SYT16: variants seen among roughly 807,000 people sequenced by gnomAD.
SYT16 encodes the protein synaptotagmin-16.
Under a neutral mutation model 61.4 loss-of-function variants are expected in SYT16, and 42 were observed. The observed-to-expected ratio is 0.68, with a 90% CI of 0.53 to 0.89. The LOEUF (loss-of-function observed/expected upper bound fraction) is 0.89. Among genes scored for constraint, SYT16 ranks in the 40% least tolerant of loss-of-function variants. The pLI is 0.00. For missense variants in SYT16, 804 were observed against 807.3 expected, an observed-to-expected ratio of 1.00 and a Z score of 0.05; for synonymous variants, 314 against 302.3, an observed-to-expected ratio of 1.04 and a Z score of -0.40.
chr14:61,844,239 A>G (rs2046376773), intron 1 of SYT16, among the ~76,000 whole-genome samples: 1 of 151,986 alleles, frequency 6.6e-6, no homozygotes, highest in Non-Finnish European at 1.5e-5. Context: ...TTGATTTTGT[A>G]TCCTGCAACT....
chr14:61,859,785 C>T (rs1383136704), intron 1 of SYT16, among the ~76,000 whole-genome samples: 1 of 152,094 alleles, frequency 6.6e-6, no homozygotes, highest in Non-Finnish European at 1.5e-5. Flanking sequence ...CATTGGCACA[C>T]TTGGGGCTCC....
chr14:61,890,272 C>A (rs577028223), intron 1 of SYT16, among the ~76,000 whole-genome samples: 2 of 152,068 alleles, frequency 1.3e-5, no homozygotes, highest in Non-Finnish European at 2.9e-5. Context: ...AAAAGAGGGG[C>A]CAGGGGAGTT....
At chr14:61,875,685 C>T (rs1027235761) in intron 1 of SYT16, among the ~76,000 whole-genome samples, 3 of 152,158 alleles carry the variant, frequency 2.0e-5, no homozygotes, top group African/African-American at 7.2e-5. Context: ...GGTGGATACT[C>T]CTGTTACTGC....
intron 1 of SYT16, among the ~76,000 whole-genome samples, chr14:61,940,912 A>G (rs915297558): frequency 2.0e-5 from 3 of 152,258 alleles, no homozygotes; most frequent in African/African-American, 4.8e-5. Context: ...GAATAATCAC[A>G]GATAGGCTTT....
chr14:61,916,565 A>G (rs911960497), intron 1 of SYT16, among the ~76,000 whole-genome samples: 1 of 152,270 alleles, frequency 6.6e-6, no homozygotes, highest in Non-Finnish European at 1.5e-5. Context: ...ATCACCTCAA[A>G]CATTTATCAT....
At chr14:61,813,817 T>G (rs1187292440) in intron 1 of SYT16, among the ~76,000 whole-genome samples, 8 of 151,886 alleles carry the variant, frequency 5.3e-5, no homozygotes, top group Non-Finnish European at 1.2e-4. Flanking sequence ...TTTTTTTTTT[T>G]TTTTTTGAGA....
At chr14:61,826,209 A>G (rs1336405498) in intron 1 of SYT16, among the ~76,000 whole-genome samples, 1 of 151,978 alleles carries the variant, frequency 6.6e-6, no homozygotes. Context: ...GGGCACTCAC[A>G]CACAGCCACA....
chr14:61,876,773 G>A (rs2047511366), intron 1 of SYT16, among the ~76,000 whole-genome samples: 1 of 152,210 alleles, frequency 6.6e-6, no homozygotes, highest in African/African-American at 2.4e-5. Flanking sequence ...CGCATTTCAA[G>A]CTTTTGCCCC....
At position 62,084,157 on chromosome 14, in the gene SYT16, G is replaced by A. The variant is rs186580514; in HGVS notation, c.1435-39G>A. 2.9e-5 allele frequency: 46 copies of A among 1,601,716 alleles called. No homozygotes were observed. In the East Asian group the frequency reaches 9.8e-4, roughly 34 times the overall value. ...GCTTTCTCTAAAAGAGAGTAGTGCAGCGTGGGCCAATGGATTCTTTGTTGT... is the reference window on the plus strand; with the variant it reads ...GCTTTCTCTAAAAGAGAGTAGTGCAACGTGGGCCAATGGATTCTTTGTTGT... On this transcript the variant is annotated intron_variant, in intron 6 of 7. Transcript: ENST00000683842.
intron 3 of SYT16, among the ~76,000 whole-genome samples, chr14:62,059,613 T>A (rs2055725006): frequency 6.6e-6 from 1 of 150,636 alleles, no homozygotes; most frequent in Non-Finnish European, 1.5e-5. Context: ...TTGGGTATTC[T>A]ATAGTTTAAA....
intron 3 of SYT16, among the ~76,000 whole-genome samples, chr14:62,011,691 A>T (rs1226529614): frequency 6.6e-6 from 1 of 152,008 alleles, no homozygotes; most frequent in Non-Finnish European, 1.5e-5. Flanking sequence ...CTATTAGAGG[A>T]GTCAATGCCA....
chr14:62,030,878 A>G (rs374798914), intron 3 of SYT16, among the ~76,000 whole-genome samples: 5 of 152,302 alleles, frequency 3.3e-5, no homozygotes, highest in Admixed American at 6.5e-5. Flanking sequence ...TAAGCACCAG[A>G]GATGCCATAT....
intron 1 of SYT16, among the ~76,000 whole-genome samples, chr14:61,834,769 C>G (rs2046071658): frequency 6.6e-6 from 1 of 152,118 alleles, no homozygotes; most frequent in Non-Finnish European, 1.5e-5. Flanking sequence ...GATCACCCAT[C>G]CATCTATCCA....
chr14:61,872,792 G>A (rs1594799548), intron 1 of SYT16, among the ~76,000 whole-genome samples: 2 of 152,166 alleles, frequency 1.3e-5, no homozygotes, highest in African/African-American at 4.8e-5. Context: ...GGCTTCTCTT[G>A]TTTTATTCTC....
chr14:62,071,723 C>T (rs1047366497), intron 4 of SYT16, among the ~76,000 whole-genome samples: 11 of 152,134 alleles, frequency 7.2e-5, no homozygotes, highest in Non-Finnish European at 1.5e-4. Context: ...TGCCTATTCT[C>T]TATTTAGCTG....
intron 1 of SYT16, among the ~76,000 whole-genome samples, chr14:61,814,199 C>A (rs1402571052): frequency 6.6e-6 from 1 of 152,162 alleles, no homozygotes; most frequent in Non-Finnish European, 1.5e-5. Context: ...CAGGTGTTTC[C>A]AGTAAAATCA....
At chr14:61,820,576 G>A (rs1394566312) in intron 1 of SYT16, among the ~76,000 whole-genome samples, 1 of 141,706 alleles carries the variant, frequency 7.1e-6, no homozygotes, top group Non-Finnish European at 1.5e-5. Flanking sequence ...CCGCCTCCTG[G>A]GTTCAAGCGA....
At chr14:61,852,625 G>A (rs2046650576) in intron 1 of SYT16, among the ~76,000 whole-genome samples, 1 of 152,020 alleles carries the variant, frequency 6.6e-6, no homozygotes, top group Non-Finnish European at 1.5e-5. Flanking sequence ...ACTTGAAGAG[G>A]TTCTTCGCTT....
At chr14:61,824,595 G>A (rs528891792) in intron 1 of SYT16, among the ~76,000 whole-genome samples, 7 of 152,162 alleles carry the variant, frequency 4.6e-5, no homozygotes, top group Non-Finnish European at 8.8e-5. Flanking sequence ...CTCATGATCC[G>A]CCCGCCTGAG....
Sources: allele counts gnomAD v4.1 joint callset (sites outside exome capture counted in the v4.1 genomes callset), GRCh38; gene constraint gnomAD v4.1.1; transcripts MANE v1.5; gene names NCBI Gene and HGNC (gene_info 2026-07-23, HGNC 2026-07-21).